The following SNX7 variants were observed in gnomAD, a reference collection of about 807,000 sequenced individuals.
SNX7 encodes sorting nexin 7.
In SNX7, 35 loss-of-function variants were observed where a neutral mutation model predicts 48.4. The ratio of observed to expected loss-of-function variants is 0.72; its 90% confidence interval spans 0.55 to 0.96. The LOEUF is 0.96. Among genes scored for constraint, SNX7 ranks in the 40% least tolerant of loss-of-function variants. The pLI, the probability that SNX7 is intolerant of heterozygous loss-of-function variation, is 0.00. For synonymous variants in SNX7, 190 were observed against 190.2 expected (o/e 1.00, Z 0.01); for missense variants, 553 against 548.9 (o/e 1.01, Z -0.07).
chr1:98,752,515 A>G (rs1419237069), intron 8 of SNX7, among the ~76,000 whole-genome samples: 1 of 152,020 alleles, frequency 6.6e-6, no homozygotes, highest in Non-Finnish European at 1.5e-5. Flanking sequence ...AAAAAACCAT[A>G]TTGGTCAGCA....
chr1:98,734,880 A>G (rs1557829941), intron 7 of SNX7, among the ~76,000 whole-genome samples: 1 of 152,094 alleles, frequency 6.6e-6, no homozygotes, highest in Non-Finnish European at 1.5e-5. Flanking sequence ...TGCTTCTTCA[A>G]TTTTTCCAAT....
chr1:98,720,729 C>G (rs559550370), intron 7 of SNX7, among the ~76,000 whole-genome samples: 2 of 152,054 alleles, frequency 1.3e-5, no homozygotes, highest in African/African-American at 2.4e-5. Context: ...CCATTTTGGA[C>G]GGTCCAGAAT....
At chr1:98,698,309 A>G (rs1385935500) in intron 5 of SNX7, among the ~76,000 whole-genome samples, 1 of 152,148 alleles carries the variant, frequency 6.6e-6, no homozygotes, top group East Asian at 1.9e-4. Context: ...AGTAATTACC[A>G]CTAAGTAGAA....
At chr1:98,750,737 A>C (rs1013966985) in intron 8 of SNX7, among the ~76,000 whole-genome samples, 1 of 152,136 alleles carries the variant, frequency 6.6e-6, no homozygotes, top group Non-Finnish European at 1.5e-5. Flanking sequence ...ATAAGGATTC[A>C]GTAAATGTTG....
At chr1:98,729,341 G>A (rs1653362258) in intron 7 of SNX7, among the ~76,000 whole-genome samples, 1 of 152,016 alleles carries the variant, frequency 6.6e-6, no homozygotes, top group African/African-American at 2.4e-5. Context: ...AAGACCTCAA[G>A]TCAAAAACGT....
intron 7 of SNX7, among the ~76,000 whole-genome samples, chr1:98,723,487 AG>A (rs1652998927): frequency 6.6e-6 from 1 of 152,082 alleles, no homozygotes; most frequent in Non-Finnish European, 1.5e-5. Context: ...ATTAGAGAAA[AG>A]TAATTCACTT....
intron 7 of SNX7, among the ~76,000 whole-genome samples, chr1:98,707,471 A>G (rs1451004697): frequency 2.6e-5 from 4 of 152,142 alleles, no homozygotes; most frequent in African/African-American, 9.7e-5. Context: ...TATTTGGAGA[A>G]ACTTGTGGGT....
rs1655047111 is a variant in SNX7 at position 98,760,217 on chromosome 1, A to G, written c.*86A>G. Reference sequence around the variant, plus strand: ...TTCTGGATCTGCCGTGTCCTTATAAAGTGGATGAAAAATGTTTTGTACCCA... The same window carrying G: ...TTCTGGATCTGCCGTGTCCTTATAAGGTGGATGAAAAATGTTTTGTACCCA... On this transcript the variant is annotated 3_prime_UTR_variant, in exon 9 of 9. Transcript: ENST00000306121. 5.6e-6 allele frequency: 6 copies of G among 1,071,056 alleles called. No homozygotes were observed. The highest frequency in any genetic ancestry group is 8.5e-6 in the Non-Finnish European group (6 of 704,504). 66.3% of individuals were successfully genotyped at this position (1,071,056 alleles called of 1,614,324 possible).
intron 7 of SNX7, among the ~76,000 whole-genome samples, chr1:98,730,962 C>T (rs1425050686): frequency 6.6e-6 from 1 of 152,032 alleles, no homozygotes; most frequent in African/African-American, 2.4e-5. Context: ...AGTGAGAACA[C>T]GTGGACACAG....
chr1:98,692,209 C>A (rs959490035), intron 4 of SNX7, among the ~76,000 whole-genome samples: 1 of 151,846 alleles, frequency 6.6e-6, no homozygotes, highest in Non-Finnish European at 1.5e-5. Flanking sequence ...ATATGTATAC[C>A]TTTTGTGTAT....
In SNX7 at chr1:98,701,749, A is replaced by G. The variant is rs1557807890; in HGVS notation, c.1039-68A>G. The G allele has an allele frequency of 5.9e-6, 6 of 1,009,414 alleles. No individual in the cohort carries two copies. In the African/African-American group the frequency reaches 8.3e-5, roughly 14 times the overall value. 62.5% of individuals were successfully genotyped at this position (1,009,414 alleles called of 1,614,324 possible). A position where few individuals can be genotyped will look rare whatever the true frequency, so the allele number is the denominator to read the frequency against. ...ATGCTATTTATATTCTGAAATATATATTTTTGCTATAGGAAAGATTATTAA... is the reference window on the plus strand; with the variant it reads ...ATGCTATTTATATTCTGAAATATATGTTTTTGCTATAGGAAAGATTATTAA... On this transcript the variant is annotated intron_variant, in intron 6 of 8. Coordinates refer to ENST00000306121, the MANE Select transcript of SNX7 (RefSeq NM_015976.5).
At chr1:98,666,802 G>A (rs985560403) in intron 1 of SNX7, among the ~76,000 whole-genome samples, 4 of 152,148 alleles carry the variant, frequency 2.6e-5, no homozygotes, top group African/African-American at 4.8e-5. Flanking sequence ...TGTAGGTTTC[G>A]TGTTGTCCAG....
At chr1:98,663,624 A>G (rs775071058) in intron 1 of SNX7, among the ~76,000 whole-genome samples, 8 of 152,154 alleles carry the variant, frequency 5.3e-5, no homozygotes, top group Non-Finnish European at 8.8e-5. Flanking sequence ...GCATTTCTAA[A>G]TAAGCATTTC....
At chr1:98,744,681 A>C (rs1228868110) in intron 8 of SNX7, among the ~76,000 whole-genome samples, 1 of 152,142 alleles carries the variant, frequency 6.6e-6, no homozygotes, top group East Asian at 1.9e-4. Flanking sequence ...TGAAAGTATA[A>C]GATGAAAGGA....
At chr1:98,723,176 A>C (rs906837314) in intron 7 of SNX7, among the ~76,000 whole-genome samples, 13 of 152,208 alleles carry the variant, frequency 8.5e-5, no homozygotes, top group African/African-American at 3.1e-4. Context: ...AAGACAAAAA[A>C]CAAAAAGAAC....
In SNX7 at chr1:98,691,914, T is replaced by TATATACACAC. The variant is rs143738586; in HGVS notation, c.639+216_639+217insTATACACACA. On this transcript the variant is annotated intron_variant, in intron 4 of 8. Coordinates refer to ENST00000306121, the MANE Select transcript of SNX7 (RefSeq NM_015976.5). ...AAATCTTGTATCTTCTCCATATATATACACACACACACACACACACACACT... is the reference window on the plus strand; with the variant it reads ...AAATCTTGTATCTTCTCCATATATATATATACACACACACACACACACACACACACACACT... 1.0e-4 allele frequency among the ~76,000 whole-genome samples: 14 copies of TATATACACAC among 133,574 alleles called. 1 individual carries two copies. The East Asian group carries it at 2.8e-3, about 26-fold the overall frequency. 87.6% of individuals were successfully genotyped at this position (133,574 alleles called of 152,430 possible).
chr1:98,712,208 C>A (rs1013403216), intron 7 of SNX7, among the ~76,000 whole-genome samples: 1 of 152,116 alleles, frequency 6.6e-6, no homozygotes, highest in Non-Finnish European at 1.5e-5. Flanking sequence ...ATATTTTGGT[C>A]TGTTCCCATG....
At chr1:98,709,467 T>G (rs974045992) in intron 7 of SNX7, among the ~76,000 whole-genome samples, 3 of 152,206 alleles carry the variant, frequency 2.0e-5, no homozygotes, top group African/African-American at 7.2e-5. Context: ...GGTTGTGCTT[T>G]GGACTCCTAC....
intron 7 of SNX7, among the ~76,000 whole-genome samples, chr1:98,728,394 G>T (rs568010052): frequency 1.7e-3 from 263 of 151,424 alleles, no homozygotes; most frequent in Non-Finnish European, 3.0e-3. Flanking sequence ...AAGCACTAAA[G>T]TCTATAAAAT....
Sources: gnomAD v4.1 joint callset for allele counts (sites outside exome capture counted in the v4.1 genomes callset) on GRCh38, gnomAD v4.1.1 for gene constraint, MANE v1.5 for transcripts, NCBI Gene and HGNC (gene_info 2026-07-23, HGNC 2026-07-21) for gene names.